SOSTDC1: variants seen among roughly 807,000 people sequenced by gnomAD.
The protein encoded by SOSTDC1 is sclerostin domain-containing protein 1.
A neutral mutation model predicts 15.1 loss-of-function variants in SOSTDC1; 7 were observed. That is an observed-to-expected ratio of 0.46 (90% CI 0.26 to 0.87). The LOEUF (loss-of-function observed/expected upper bound fraction) is 0.87. Among genes scored for constraint, SOSTDC1 ranks in the 40% least tolerant of loss-of-function variants. The probability of loss-of-function intolerance (pLI) is 0.15; values close to 1 mark genes in which losing one functional copy is unlikely to be tolerated. For synonymous variants in SOSTDC1, 94 were observed against 93.2 expected (o/e 1.01, Z -0.05); for missense variants, 242 against 259.2 (o/e 0.93, Z 0.46).
chr7:16,464,372 G>A (rs949800180), intron 1 of SOSTDC1: 39 of 1,550,228 alleles, frequency 2.5e-5, no homozygotes, highest in Middle Eastern at 1.7e-4. Context: ...ATTTTGTCTC[G>A]TCAAGCTTTC....
In SOSTDC1 at chr7:16,461,969, A is replaced by G; in HGVS notation, c.*579T>C. ...CCATTCCAAGCGAGGGTCAGCATGC[A>G]GGGTATAATTTCATACTATGCGACC... On this transcript the variant is annotated 3_prime_UTR_variant, in exon 2 of 2. Coordinates refer to ENST00000307068, the MANE Select transcript of SOSTDC1 (RefSeq NM_015464.3). 1 of 152,644 alleles carries G rather than the reference A, an allele frequency of 6.6e-6. No individual in the cohort carries two copies. Among genetic ancestry groups the G allele is most frequent in the South Asian group, 2.1e-4 (1 of 4,826 alleles). 9.5% of individuals were successfully genotyped at this position (152,644 alleles called of 1,614,324 possible).
chr7:16,465,440 AC>A, intron 1 of SOSTDC1, 23 bp downstream of exon 1: 1 of 1,578,462 alleles, frequency 6.3e-7, no homozygotes, highest in South Asian at 1.1e-5. Flanking sequence ...AAAAAAAAAA[AC>A]TGTACAAGTA....
At chr7:16,464,281 T>G in intron 1 of SOSTDC1, 3 of 1,447,884 alleles carry the variant, frequency 2.1e-6, no homozygotes, top group African/African-American at 1.4e-5. Context: ...GGTTGGACAG[T>G]GTGCTCAGCG....
intron 1 of SOSTDC1, among the ~76,000 whole-genome samples, chr7:16,463,253 A>G (rs1311900006): frequency 2.0e-5 from 3 of 152,114 alleles, no homozygotes; most frequent in Non-Finnish European, 2.9e-5. Context: ...TGAAAATCCA[A>G]TTTCCTTAGT....
intron 1 of SOSTDC1, among the ~76,000 whole-genome samples, chr7:16,463,199 A>C (rs1352336718): frequency 3.3e-5 from 5 of 152,116 alleles, no homozygotes; most frequent in African/African-American, 1.2e-4. Flanking sequence ...TGTAGGCCTG[A>C]TTGTTTTTAT....
At position 16,461,631 on chromosome 7, in the gene SOSTDC1, G is replaced by C. The variant is rs1458647344; in HGVS notation, c.*917C>G. The C allele has an allele frequency of 6.6e-6, 1 of 152,368 alleles. No individual in the cohort carries two copies. Among genetic ancestry groups the C allele is most frequent in the African/African-American group, 2.4e-5 (1 of 41,396 alleles). The allele number at this position is 152,368 out of a possible 1,614,324, so 9.4% of individuals were successfully genotyped here. A position where few individuals can be genotyped will look rare whatever the true frequency, so the allele number is the denominator to read the frequency against. Reference sequence around the variant, plus strand: ...CTGATTGCACAGATTAAACAAGAAAGTATTACTTATTTCAACTTTACAAAG... The same window carrying C: ...CTGATTGCACAGATTAAACAAGAAACTATTACTTATTTCAACTTTACAAAG... On this transcript the variant is annotated 3_prime_UTR_variant, in exon 2 of 2. Coordinates refer to ENST00000307068, the MANE Select transcript of SOSTDC1 (RefSeq NM_015464.3).
At position 16,462,819 on chromosome 7, in the gene SOSTDC1, C is replaced by G. The variant is rs374376320; in HGVS notation, c.350G>C (p.Gly117Ala). The G allele has an allele frequency of 6.2e-7, 1 of 1,614,192 alleles. No individual in the cohort carries two copies. The highest frequency in any genetic ancestry group is 1.7e-5 in the Admixed American group (1 of 60,018). ...LPVLPNWIGGGYGTKYWSRRS... is the reference protein window; with the variant it reads ...LPVLPNWIGGAYGTKYWSRRS... ...CCTGCTCCAGTACTTTGTTCCATAG[C>G]CTCCTCCAATCCAGTTAGGGAGCAC... The change falls in exon 2 of 2, where the codon GGC becomes GCC. Residue 117 changes from glycine to alanine, a missense_variant. Coordinates refer to ENST00000307068, the MANE Select transcript of SOSTDC1 (RefSeq NM_015464.3).
Position 16,465,543 on chromosome 7 carries a change from T to A in SOSTDC1, c.126A>T (p.Ala42=). ...LYSHVVKPVP[A]HPSSNSTLNQ... ...TCAACGTGCTGTTGCTGCTGGGGTG[T>A]GCTGGAACAGGTTTAACCACATGTG... The change falls in exon 1 of 2, where the codon GCA becomes GCT. Residue 42 remains alanine, a synonymous_variant. Transcript: ENST00000307068. The A allele has an allele frequency of 6.2e-7, 1 of 1,614,172 alleles. No individual in the cohort carries two copies. The highest frequency in any genetic ancestry group is 8.5e-7 in the Non-Finnish European group (1 of 1,180,018).
rs752207376 is a variant in SOSTDC1 at position 16,461,612 on chromosome 7, GCA to G, written c.*934_*935del. 3.3e-5 allele frequency: 5 copies of G among 152,450 alleles called. No homozygotes were observed. The East Asian group carries it at 5.8e-4, about 18-fold the overall frequency. The allele number at this position is 152,450 out of a possible 1,614,324, so 9.4% of individuals were successfully genotyped here. On this transcript the variant is annotated 3_prime_UTR_variant, in exon 2 of 2. Coordinates refer to ENST00000307068, the MANE Select transcript of SOSTDC1 (RefSeq NM_015464.3). The stretch of plus-strand genomic sequence containing the variant: ...TTGAAGGTCAAGACACCTTCTGATT[GCA>G]CAGATTAAACAAGAAAGTATTACTT...
In SOSTDC1 at chr7:16,464,126, T is replaced by C. The variant is rs539444718; in HGVS notation, c.206-1163A>G. ...TCGAAGTAGAACTGAATCAGGAGTTTCACTTCATCTCTGTATGCTAGTACT... is the reference window on the plus strand; with the variant it reads ...TCGAAGTAGAACTGAATCAGGAGTTCCACTTCATCTCTGTATGCTAGTACT... On this transcript the variant is annotated intron_variant, in intron 1 of 1. Transcript: ENST00000307068. Among the ~76,000 whole-genome samples the C allele has an allele frequency of 1.1e-3, 160 of 152,366 alleles. 1 individual carries two copies. Among genetic ancestry groups the C allele is most frequent in the African/African-American group, 3.6e-3 (149 of 41,590 alleles).
intron 1 of SOSTDC1, chr7:16,464,289 G>C: frequency 6.7e-7 from 1 of 1,499,516 alleles, no homozygotes; most frequent in East Asian, 2.5e-5. Context: ...AGTGTGCTCA[G>C]CGTGCCTGAT....
Position 16,462,161 on chromosome 7 carries a change from CT to C in SOSTDC1, c.*386del, listed in dbSNP as rs1781220179. The C allele has an allele frequency of 6.1e-6, 1 of 164,152 alleles. No homozygotes were observed. Among genetic ancestry groups the C allele is most frequent in the Non-Finnish European group, 1.3e-5 (1 of 75,348 alleles). The allele number at this position is 164,152 out of a possible 1,614,324, so 10.2% of individuals were successfully genotyped here. On this transcript the variant is annotated 3_prime_UTR_variant, in exon 2 of 2. Transcript: ENST00000307068. ...TTCATGACAACATATTTTTTTTAAC[CT>C]GTTTTGAAGGAGTTTTGTTTAGGAG... is the stretch of plus-strand genomic sequence containing the variant.
intron 1 of SOSTDC1, chr7:16,464,459 T>A: frequency 9.9e-7 from 1 of 1,010,630 alleles, no homozygotes; most frequent in Non-Finnish European, 1.5e-6. Flanking sequence ...CATTGCTCAG[T>A]AATCTAATAA....
chr7:16,464,440 T>A, intron 1 of SOSTDC1: 1 of 1,184,912 alleles, frequency 8.4e-7, no homozygotes, highest in Non-Finnish European at 1.2e-6. Flanking sequence ...TGACAACGAA[T>A]ACCCACCACA....
At chr7:16,464,304 C>T (rs1781259287) in intron 1 of SOSTDC1, 1 of 1,544,732 alleles carries the variant, frequency 6.5e-7, no homozygotes, top group Non-Finnish European at 8.8e-7. Flanking sequence ...CCTGATTCTG[C>T]CTCCAGCTCA....
Position 16,462,644 on chromosome 7 carries a change from G to A in SOSTDC1, c.525C>T (p.Ser175=), listed in dbSNP as rs765546779. The A allele has an allele frequency of 3.1e-6, 5 of 1,614,182 alleles. No homozygotes were observed. The South Asian group carries it at 5.5e-5, about 18-fold the overall frequency. The change falls in exon 2 of 2, where the codon TCC becomes TCT. Residue 175 remains serine (S), a synonymous_variant. Transcript: ENST00000307068. ...GTGACATGCTCTCAAAGTTGTGACT[G>A]GACTCGTTGTGCTGCCGGGTGTACC... ...CKRYTRQHNE[S]SHNFESMSPA...
intron 1 of SOSTDC1, among the ~76,000 whole-genome samples, 182 bp downstream of exon 1, chr7:16,465,282 G>C (rs907473990): frequency 2.6e-5 from 4 of 152,136 alleles, no homozygotes; most frequent in Non-Finnish European, 1.5e-5. Flanking sequence ...GTTTTAGTTA[G>C]GTTAACTTTA....
In SOSTDC1 at chr7:16,465,703, T is replaced by A. The variant is rs1260339682; in HGVS notation, c.-35A>T. 3 of 1,590,192 alleles carry A rather than the reference T, an allele frequency of 1.9e-6. No homozygotes were observed. The African/African-American group carries it at 4.0e-5, about 21-fold the overall frequency. On this transcript the variant is annotated 5_prime_UTR_variant, in exon 1 of 2. Coordinates refer to ENST00000307068, the MANE Select transcript of SOSTDC1 (RefSeq NM_015464.3). ...AGGATTTGCTTGACTGAAGAGCTGG[T>A]TAATTCTTTTGCTTCTGCTTCTGCA...
At chr7:16,463,046 A>T in intron 1 of SOSTDC1, 83 bp from the exon 2 acceptor site, 1 of 1,364,218 alleles carries the variant, frequency 7.3e-7, no homozygotes, top group Non-Finnish European at 9.8e-7. Flanking sequence ...TGACAAAAAT[A>T]ATAGGCAAAT....
Sources: allele counts gnomAD v4.1 joint callset (sites outside exome capture counted in the v4.1 genomes callset), GRCh38; gene constraint gnomAD v4.1.1; transcripts MANE v1.5; gene names NCBI Gene and HGNC (gene_info 2026-07-23, HGNC 2026-07-21).